SLC45A4: variants seen among roughly 807,000 people sequenced by gnomAD.
SLC45A4 encodes solute carrier family 45 member 4, also known as polyamine-transporter SLC45A4.
A neutral mutation model predicts 63.7 loss-of-function variants in SLC45A4; 32 were observed. That is an observed-to-expected ratio of 0.50 (90% CI 0.38 to 0.67). The LOEUF (loss-of-function observed/expected upper bound fraction) is 0.67, where lower values mean the gene tolerates loss of function less well. SLC45A4 is among the 30% of genes least tolerant of loss of function. The probability of loss-of-function intolerance (pLI) is 0.00; values close to 1 mark genes in which losing one functional copy is unlikely to be tolerated. For missense variants in SLC45A4, 1,027 were observed against 1,157.7 expected (o/e 0.89, Z 1.64); for synonymous variants, 535 against 510.0 (o/e 1.05, Z -0.66).
At chr8:141,274,855 CT>C (rs749643113) in intron 1 of SLC45A4, among the ~76,000 whole-genome samples, 1 of 152,258 alleles carries the variant, frequency 6.6e-6, no homozygotes, top group Non-Finnish European at 1.5e-5. Context: ...CAAAACCCTT[CT>C]ACTTCCTCGT....
At chr8:141,296,910 G>A (rs1365537721) in intron 1 of SLC45A4, among the ~76,000 whole-genome samples, 1 of 151,708 alleles carries the variant, frequency 6.6e-6, no homozygotes, top group East Asian at 1.9e-4. Flanking sequence ...AGCAAGAAGG[G>A]GCGATGTTTG....
rs34176241 is a variant in SLC45A4 at position 141,296,539 on chromosome 8, T to TAAA, written c.-401+11554_-401+11556dup. The stretch of plus-strand genomic sequence containing the variant: ...AAAAAATTAAAATTAAAATTAAAAT[T>TAAA]AAAAAAAAAAAGAAGGCCAGGCGTG... On this transcript the variant is annotated intron_variant, in intron 1 of 8. Transcript: ENST00000517878. Among the ~76,000 whole-genome samples the TAAA allele has an allele frequency of 1.0e-3, 134 of 129,372 alleles. 1 individual carries two copies. Among genetic ancestry groups the TAAA allele is most frequent in the Non-Finnish European group, 1.5e-3 (96 of 64,316 alleles). 84.9% of individuals were successfully genotyped at this position (129,372 alleles called of 152,430 possible).
chr8:141,287,182 G>C (rs1242345984), intron 1 of SLC45A4, among the ~76,000 whole-genome samples: 5 of 152,140 alleles, frequency 3.3e-5, no homozygotes, highest in Non-Finnish European at 2.9e-5. Context: ...CATCATGAGA[G>C]AGAGGCCTTC....
intron 2 of SLC45A4, among the ~76,000 whole-genome samples, chr8:141,250,195 TATG>T (rs1296637180): frequency 6.6e-6 from 1 of 152,212 alleles, no homozygotes; most frequent in African/African-American, 2.4e-5. Context: ...GTCCTGGGCT[TATG>T]ATGGTGGGAC....
chr8:141,307,734 G>A (rs916973773), intron 1 of SLC45A4, among the ~76,000 whole-genome samples: 2 of 147,848 alleles, frequency 1.4e-5, no homozygotes, highest in Admixed American at 6.9e-5. Context: ...AGAAACCGAG[G>A]AACTGGGGGC....
At chr8:141,298,600 G>A (rs972111488) in intron 1 of SLC45A4, among the ~76,000 whole-genome samples, 1 of 152,202 alleles carries the variant, frequency 6.6e-6, no homozygotes, top group Non-Finnish European at 1.5e-5. Flanking sequence ...ACAAATTGGA[G>A]CGGCAGCACC....
intron 2 of SLC45A4, among the ~76,000 whole-genome samples, chr8:141,243,972 T>C (rs1828040392): frequency 6.6e-6 from 1 of 152,208 alleles, no homozygotes; most frequent in Non-Finnish European, 1.5e-5. Context: ...CAGGAAGCTG[T>C]TGGTAGTCAG....
intron 1 of SLC45A4, among the ~76,000 whole-genome samples, chr8:141,257,740 G>A (rs1230373442): frequency 1.3e-5 from 2 of 152,202 alleles, no homozygotes; most frequent in Admixed American, 6.5e-5. Context: ...AACAGGGGGA[G>A]GAGGGGACAG....
At chr8:141,221,083 A>G (rs950523517) in intron 3 of SLC45A4, among the ~76,000 whole-genome samples, 1 of 152,252 alleles carries the variant, frequency 6.6e-6, no homozygotes, top group Non-Finnish European at 1.5e-5. Context: ...AACACAGATT[A>G]AGCTCCTCTG....
At chr8:141,295,358 C>G (rs1006226353) in intron 1 of SLC45A4, among the ~76,000 whole-genome samples, 2 of 152,212 alleles carry the variant, frequency 1.3e-5, no homozygotes, top group African/African-American at 4.8e-5. Flanking sequence ...AGCCCAAGGG[C>G]ACCAGGCGGA....
chr8:141,260,026 T>A (rs1828983524), intron 1 of SLC45A4, among the ~76,000 whole-genome samples: 1 of 152,158 alleles, frequency 6.6e-6, no homozygotes, highest in Non-Finnish European at 1.5e-5. Flanking sequence ...GAAGTCCTCA[T>A]GAAACAGCAT....
chr8:141,253,601 G>A (rs528215441), intron 2 of SLC45A4, among the ~76,000 whole-genome samples: 6 of 152,254 alleles, frequency 3.9e-5, no homozygotes, highest in East Asian at 3.9e-4. Context: ...TCCCGAATTC[G>A]CCTGCATGAC....
intron 1 of SLC45A4, among the ~76,000 whole-genome samples, chr8:141,299,317 A>T (rs935604765): frequency 6.6e-6 from 1 of 152,246 alleles, no homozygotes; most frequent in African/African-American, 2.4e-5. Flanking sequence ...GCCTTTAAGA[A>T]TTAAAAACAC....
intron 1 of SLC45A4, among the ~76,000 whole-genome samples, chr8:141,285,745 G>T (rs889981055): frequency 3.3e-5 from 5 of 152,210 alleles, no homozygotes; most frequent in Non-Finnish European, 5.9e-5. Context: ...CCGGGCAGGG[G>T]TCTGCAAACG....
chr8:141,249,280 C>T (rs1307360273), intron 2 of SLC45A4, among the ~76,000 whole-genome samples: 1 of 152,180 alleles, frequency 6.6e-6, no homozygotes, highest in African/African-American at 2.4e-5. Flanking sequence ...TGAATGTTCA[C>T]AGCAGCTTTA....
intron 1 of SLC45A4, among the ~76,000 whole-genome samples, chr8:141,274,682 T>C (rs1829666057): frequency 6.6e-6 from 1 of 151,908 alleles, no homozygotes; most frequent in African/African-American, 2.4e-5. Context: ...CTCTCCTCAA[T>C]ACCAGGGGCT....
intron 2 of SLC45A4, among the ~76,000 whole-genome samples, chr8:141,247,446 G>T (rs1241140090): frequency 6.6e-6 from 1 of 152,170 alleles, no homozygotes; most frequent in Non-Finnish European, 1.5e-5. Flanking sequence ...TGGATCGAAG[G>T]ACTCGAAATT....
chr8:141,293,516 C>T (rs1033727048), intron 1 of SLC45A4, among the ~76,000 whole-genome samples: 3 of 152,096 alleles, frequency 2.0e-5, no homozygotes, highest in African/African-American at 7.2e-5. Context: ...GGGTGGAATC[C>T]GCAAAGTTCC....
At chr8:141,236,233 G>A (rs1827621647) in intron 2 of SLC45A4, among the ~76,000 whole-genome samples, 1 of 152,186 alleles carries the variant, frequency 6.6e-6, no homozygotes, top group Non-Finnish European at 1.5e-5. Context: ...GGCTTCCCAA[G>A]CCATGTTTAA....
Sources: gnomAD v4.1 joint callset for allele counts (sites outside exome capture counted in the v4.1 genomes callset) on GRCh38, gnomAD v4.1.1 for gene constraint, MANE v1.5 for transcripts, NCBI Gene and HGNC (gene_info 2026-07-23, HGNC 2026-07-21) for gene names.